Variants in LINGO1 observed in about 807,000 individuals in gnomAD.
The protein encoded by LINGO1 is leucine-rich repeat and immunoglobulin-like domain-containing nogo receptor-interacting protein 1.
LINGO1 carries 11 observed loss-of-function variants against 37.3 expected under a neutral mutation model. The ratio of observed to expected loss-of-function variants is 0.29; its 90% confidence interval spans 0.19 to 0.49. The LOEUF (loss-of-function observed/expected upper bound fraction) is 0.49. Ranked by LOEUF, LINGO1 falls within the 20% of genes least tolerant of loss-of-function variation. The pLI, the probability that LINGO1 is intolerant of heterozygous loss-of-function variation, is 0.99. For missense variants in LINGO1, 585 were observed against 878.2 expected (o/e 0.67, Z 4.22); for synonymous variants, 387 against 403.0 (o/e 0.96, Z 0.48).
At chr15:77,733,901 T>G (rs529824450) in intron 2 of LINGO1, among the ~76,000 whole-genome samples, 1 of 152,288 alleles carries the variant, frequency 6.6e-6, no homozygotes, top group East Asian at 1.9e-4. Flanking sequence ...CTTCCAAGAC[T>G]CTGCTGCAAA....
intron 1 of LINGO1, among the ~76,000 whole-genome samples, chr15:77,745,652 G>A (rs1567559887): frequency 6.6e-6 from 1 of 152,128 alleles, no homozygotes; most frequent in Non-Finnish European, 1.5e-5. Flanking sequence ...ACCCTGCTGC[G>A]GACGAGACCC....
At position 77,632,692 on chromosome 15, in the gene LINGO1, G is replaced by A. The variant is rs2074298143; in HGVS notation, c.-377C>T. On this transcript the variant is annotated 5_prime_UTR_variant, in exon 1 of 2. Transcript: ENST00000355300. This position sits in a 1 kb window ranked among gnomAD's most constrained non-coding sequence, Gnocchi z 6.0. ...GGGTCGAGGCCGGGCGCGCTCCGCC[G>A]CGGGGCCGGGGCCGGCGGGCAGCGG... is the stretch of plus-strand genomic sequence containing the variant. Among the ~76,000 whole-genome samples the A allele has an allele frequency of 6.9e-6, 1 of 145,570 alleles. No homozygotes were observed. Among genetic ancestry groups the A allele is most frequent in the Admixed American group, 6.8e-5 (1 of 14,706 alleles).
At chr15:77,701,613 TG>T (rs987681508) in intron 2 of LINGO1, among the ~76,000 whole-genome samples, 12 of 152,312 alleles carry the variant, frequency 7.9e-5, no homozygotes, top group African/African-American at 2.9e-4. Context: ...ATGAATGGCT[TG>T]GTGCCCTTCT....
At chr15:77,820,568 G>C (rs1201283334), upstream of LINGO1, among the ~76,000 whole-genome samples, 1 of 152,208 alleles carries the variant, frequency 6.6e-6, no homozygotes, top group Non-Finnish European at 1.5e-5. Context: ...GAAGACACCT[G>C]TCATGCTGGG....
intron 2 of LINGO1, among the ~76,000 whole-genome samples, chr15:77,705,653 G>A (rs753111374): frequency 1.3e-5 from 2 of 152,238 alleles, no homozygotes; most frequent in African/African-American, 2.4e-5. Context: ...TGCCACGCTC[G>A]GAAAGCCCTG....
intron 3 of LINGO1, among the ~76,000 whole-genome samples, chr15:77,653,025 G>A (rs1001802647): frequency 6.6e-6 from 1 of 152,366 alleles, no homozygotes; most frequent in East Asian, 1.9e-4. Context: ...AGGGGGAAAT[G>A]CAGATTGGCA....
intron 3 of LINGO1, chr15:77,676,987 G>A (rs1047135237): frequency 1.3e-5 from 2 of 152,270 alleles, no homozygotes; most frequent in Non-Finnish European, 2.9e-5. Flanking sequence ...GGGCTCATTC[G>A]CTAAACGCCA....
At chr15:77,680,304 T>G (rs1173276770) in intron 2 of LINGO1, among the ~76,000 whole-genome samples, 1 of 152,088 alleles carries the variant, frequency 6.6e-6, no homozygotes, top group Non-Finnish European at 1.5e-5. Flanking sequence ...AAGACAGCCT[T>G]TGTCACATGA....
At chr15:77,803,769 G>A (rs1486024733) in intron 1 of LINGO1, among the ~76,000 whole-genome samples, 1 of 152,142 alleles carries the variant, frequency 6.6e-6, no homozygotes, top group Non-Finnish European at 1.5e-5. Context: ...TCTGCCATGA[G>A]TAAAAGCTCC....
intron 2 of LINGO1, among the ~76,000 whole-genome samples, chr15:77,702,442 C>T (rs1244206481): frequency 6.6e-6 from 1 of 152,152 alleles, no homozygotes; most frequent in Non-Finnish European, 1.5e-5. Flanking sequence ...CCACCCTCCA[C>T]CCCAGGGGCC....
At chr15:77,668,792 TACACACACACACACACACAC>T (rs34476518) in intron 3 of LINGO1, among the ~76,000 whole-genome samples, 2 of 134,818 alleles carry the variant, frequency 1.5e-5, no homozygotes, top group Admixed American at 7.3e-5. Flanking sequence ...CACAGGGGAA[TACACACACACACACACACAC>T]ACACACACAC....
intron 2 of LINGO1, among the ~76,000 whole-genome samples, chr15:77,688,491 C>T (rs1004088239): frequency 2.6e-5 from 4 of 152,174 alleles, no homozygotes; most frequent in Admixed American, 6.5e-5. Context: ...AATGCTAGTC[C>T]TGACCCTCGG....
chr15:77,804,733 C>T (rs1333680143), intron 1 of LINGO1, among the ~76,000 whole-genome samples: 3 of 152,322 alleles, frequency 2.0e-5, no homozygotes, highest in South Asian at 2.1e-4. Context: ...CCACTTCTCT[C>T]GTCCTCCTGC....
At chr15:77,630,131 G>T (rs1367236891) in intron 1 of LINGO1, among the ~76,000 whole-genome samples, 4 of 152,080 alleles carry the variant, frequency 2.6e-5, no homozygotes, top group Non-Finnish European at 5.9e-5. Context: ...ACTCCAGCCA[G>T]CAAGCTAAGG....
At chr15:77,681,363 G>A (rs1411864715) in intron 2 of LINGO1, among the ~76,000 whole-genome samples, 1 of 152,102 alleles carries the variant, frequency 6.6e-6, no homozygotes, top group Non-Finnish European at 1.5e-5. Context: ...GAACTGGACA[G>A]GGATGCAAGG....
At chr15:77,806,643 G>A (rs896059415) in intron 1 of LINGO1, among the ~76,000 whole-genome samples, 2 of 152,066 alleles carry the variant, frequency 1.3e-5, no homozygotes, top group African/African-American at 2.4e-5. Context: ...AAGCAAACCC[G>A]ACCATAGCAG....
intron 2 of LINGO1, among the ~76,000 whole-genome samples, chr15:77,727,532 A>C (rs1390779117): frequency 6.6e-6 from 1 of 152,186 alleles, no homozygotes; most frequent in Non-Finnish European, 1.5e-5. Flanking sequence ...GAGGTACCTA[A>C]GGTGCTCAAA....
chr15:77,723,944 T>C (rs1465660995), intron 2 of LINGO1, among the ~76,000 whole-genome samples: 1 of 152,048 alleles, frequency 6.6e-6, no homozygotes, highest in East Asian at 1.9e-4. Context: ...GTTGTGATAT[T>C]TTTCCCCAGG....
chr15:77,621,575 G>T (rs920619913), intron 1 of LINGO1, among the ~76,000 whole-genome samples: 2 of 151,924 alleles, frequency 1.3e-5, no homozygotes, highest in African/African-American at 2.4e-5. Context: ...GCCAGGCCAG[G>T]GGAGGGGCTG....
Sources: allele counts gnomAD v4.1 joint callset (sites outside exome capture counted in the v4.1 genomes callset), GRCh38; gene constraint gnomAD v4.1.1; non-coding constraint Gnocchi (gnomAD v3.1); transcripts MANE v1.5; gene names NCBI Gene and HGNC (gene_info 2026-07-23, HGNC 2026-07-21).